The following LRFN5 variants were observed in gnomAD, a reference collection of about 807,000 sequenced individuals.
The protein encoded by LRFN5 is leucine rich repeat and fibronectin type III domain containing 5, also known as leucine-rich repeat and fibronectin type-III domain-containing protein 5.
A neutral mutation model predicts 45.6 loss-of-function variants in LRFN5; 24 were observed. The ratio of observed to expected loss-of-function variants is 0.53; its 90% CI spans 0.38 to 0.74. The LOEUF is 0.74. LRFN5 is among the 30% of genes least tolerant of loss of function. The pLI, the probability that LRFN5 is intolerant of heterozygous loss-of-function variation, is 0.00. For synonymous variants in LRFN5, 340 were observed against 313.8 expected, an observed-to-expected ratio of 1.08 and a Z score of -0.88; for missense variants, 776 against 861.5, an observed-to-expected ratio of 0.90 and a Z score of 1.24.
chr14:41,803,518 G>GT (rs35935187), intron 2 of LRFN5, among the ~76,000 whole-genome samples: 22,586 of 147,374 alleles, frequency 0.15, 1,780 homozygotes, highest in Non-Finnish European at 0.18. Flanking sequence ...TGCCAGGATA[G>GT]TTTTTTTTTT....
chr14:41,801,490 T>C (rs764118688), intron 2 of LRFN5, among the ~76,000 whole-genome samples: 3 of 152,214 alleles, frequency 2.0e-5, no homozygotes, highest in Admixed American at 6.6e-5. Flanking sequence ...CTTGATCTTA[T>C]ACTTTAAGTG....
chr14:41,744,389 G>A (rs1305884771), intron 1 of LRFN5, among the ~76,000 whole-genome samples: 1 of 151,866 alleles, frequency 6.6e-6, no homozygotes, highest in African/African-American at 2.4e-5. Context: ...AATAGGAAGA[G>A]AGAAATAAAT....
chr14:41,660,146 C>G (rs1056054428), intron 1 of LRFN5, among the ~76,000 whole-genome samples: 1 of 152,090 alleles, frequency 6.6e-6, no homozygotes, highest in East Asian at 1.9e-4. Context: ...CTGCCCCAGC[C>G]TCCTGAGTAG....
intron 2 of LRFN5, among the ~76,000 whole-genome samples, chr14:41,828,173 A>T (rs1364723140): frequency 6.6e-6 from 1 of 152,000 alleles, no homozygotes; most frequent in African/African-American, 2.4e-5. Context: ...TAGATTTTAG[A>T]TTTGAAGAAA....
intron 1 of LRFN5, among the ~76,000 whole-genome samples, chr14:41,748,687 G>GA (rs1885015633): frequency 6.6e-6 from 1 of 151,816 alleles, no homozygotes; most frequent in Non-Finnish European, 1.5e-5. Flanking sequence ...TAAAAACTCA[G>GA]AAAAAAATGT....
intron 1 of LRFN5, among the ~76,000 whole-genome samples, chr14:41,708,554 A>G (rs1051801032): frequency 6.6e-6 from 1 of 151,972 alleles, no homozygotes; most frequent in African/African-American, 2.4e-5. Context: ...TGTTCTTCTA[A>G]TCAAGATTCA....
At chr14:41,682,643 G>A (rs1056477474) in intron 1 of LRFN5, among the ~76,000 whole-genome samples, 6 of 152,072 alleles carry the variant, frequency 3.9e-5, no homozygotes, top group Admixed American at 2.0e-4. Context: ...TAACTGTAAC[G>A]AAAATTCAGA....
intron 1 of LRFN5, among the ~76,000 whole-genome samples, chr14:41,650,813 G>A (rs1041399844): frequency 6.7e-6 from 1 of 148,802 alleles, no homozygotes; most frequent in Non-Finnish European, 1.5e-5. Flanking sequence ...TCACTAATAT[G>A]CTCTTAAGTA....
chr14:41,748,927 T>C (rs1321170306), intron 1 of LRFN5, among the ~76,000 whole-genome samples: 1 of 151,668 alleles, frequency 6.6e-6, no homozygotes, highest in East Asian at 1.9e-4. Context: ...AATTTATTTA[T>C]CTTGTAGTTC....
chr14:41,867,720 T>G (rs1889886652), intron 2 of LRFN5, among the ~76,000 whole-genome samples: 1 of 152,104 alleles, frequency 6.6e-6, no homozygotes, highest in South Asian at 2.1e-4. Flanking sequence ...AAGAATTGGC[T>G]GAAAAAATCT....
At chr14:41,848,588 C>G (rs1889151219) in intron 2 of LRFN5, among the ~76,000 whole-genome samples, 1 of 151,944 alleles carries the variant, frequency 6.6e-6, no homozygotes, top group Non-Finnish European at 1.5e-5. Flanking sequence ...CCTTACCAAC[C>G]TCCAACTGTT....
rs58845118 is a variant in LRFN5, at chr14:41,650,896, AGAGGGAGG to A, written c.-197+42362_-197+42369del. Reference sequence around the variant, plus strand: ...CAAAGAGACAGAGAAAGAGAGAGAGAGAGGGAGGGAGGGAGGGAGGGAGGGAGGGAGGG... The same window carrying A: ...CAAAGAGACAGAGAAAGAGAGAGAGAGAGGGAGGGAGGGAGGGAGGGAGGG... On this transcript the variant is annotated intron_variant, in intron 1 of 5. Transcript: ENST00000298119. 2.6e-3 allele frequency among the ~76,000 whole-genome samples: 208 copies of A among 80,908 alleles called. 3 individuals carry two copies. The highest frequency in any genetic ancestry group is 2.8e-3 in the South Asian group (5 of 1,816). 53.1% of individuals were successfully genotyped at this position (80,908 alleles called of 152,430 possible).
At chr14:41,751,517 T>C (rs940147649) in intron 1 of LRFN5, among the ~76,000 whole-genome samples, 2 of 152,108 alleles carry the variant, frequency 1.3e-5, no homozygotes, top group East Asian at 1.9e-4. Flanking sequence ...TTCACACTTA[T>C]ATTTAGTTTT....
At chr14:41,658,344 T>C (rs1880473976) in intron 1 of LRFN5, among the ~76,000 whole-genome samples, 1 of 152,026 alleles carries the variant, frequency 6.6e-6, no homozygotes, top group Non-Finnish European at 1.5e-5. Flanking sequence ...TCCTGATCAG[T>C]GTGTGATTGG....
chr14:41,781,674 GAA>G (rs1886531412), intron 2 of LRFN5, among the ~76,000 whole-genome samples: 1 of 149,512 alleles, frequency 6.7e-6, no homozygotes, highest in Non-Finnish European at 1.5e-5. Flanking sequence ...AGGAAAGAAA[GAA>G]AGAAAGAGAA....
chr14:41,836,537 A>G (rs922323763), intron 2 of LRFN5, among the ~76,000 whole-genome samples: 2 of 152,166 alleles, frequency 1.3e-5, no homozygotes, highest in Non-Finnish European at 2.9e-5. Flanking sequence ...AGGACGCTAT[A>G]AGTAACTTTT....
chr14:41,896,205 T>C (rs901724011), intron 4 of LRFN5, among the ~76,000 whole-genome samples: 1 of 152,168 alleles, frequency 6.6e-6, no homozygotes, highest in East Asian at 1.9e-4. Flanking sequence ...ATATAAAGTA[T>C]CATCTTTTGG....
chr14:41,833,988 A>T (rs59985747), intron 2 of LRFN5, among the ~76,000 whole-genome samples: 1,894 of 152,242 alleles, frequency 0.012, 38 homozygotes, highest in African/African-American at 0.042. Flanking sequence ...GTTTTGAATG[A>T]GTTTATAAAT....
intron 1 of LRFN5, among the ~76,000 whole-genome samples, chr14:41,750,572 A>G (rs186242823): frequency 6.6e-6 from 1 of 152,116 alleles, no homozygotes; most frequent in African/African-American, 2.4e-5. Context: ...ATTTGCTTTC[A>G]TTGTATTGTG....
Sources: allele counts gnomAD v4.1 joint callset (sites outside exome capture counted in the v4.1 genomes callset), GRCh38; gene constraint gnomAD v4.1.1; transcripts MANE v1.5; gene names NCBI Gene and HGNC (gene_info 2026-07-23, HGNC 2026-07-21).